LARGE1: variants seen among roughly 807,000 people sequenced by gnomAD.
The protein encoded by LARGE1 is xylosyl- and glucuronyltransferase LARGE1.
LARGE1 carries 43 observed loss-of-function variants against 87.6 expected under a neutral mutation model. That is an observed-to-expected ratio of 0.49 (90% CI 0.38 to 0.63). The LOEUF (loss-of-function observed/expected upper bound fraction) is 0.63, where lower values mean the gene tolerates loss of function less well. LARGE1 is among the 30% of genes least tolerant of loss of function. The pLI is 0.00. For missense variants in LARGE1, 802 were observed against 1,000.2 expected (o/e 0.80, Z 2.67); for synonymous variants, 434 against 394.6 (o/e 1.10, Z -1.18).
At chr22:33,784,375 C>G (rs1340362454) in intron 1 of LARGE1, among the ~76,000 whole-genome samples, 1 of 152,104 alleles carries the variant, frequency 6.6e-6, no homozygotes, top group Non-Finnish European at 1.5e-5. Context: ...AAGTCACAAG[C>G]CAGTAAATGA....
intron 6 of LARGE1, among the ~76,000 whole-genome samples, chr22:33,438,303 C>T (rs1007613296): frequency 3.3e-5 from 5 of 152,140 alleles, no homozygotes; most frequent in African/African-American, 7.2e-5. Context: ...GCATTCTGCA[C>T]TGCCTGTCTC....
intron 12 of LARGE1, 66 bp from the exon 13 acceptor site, chr22:33,283,414 G>A (rs937796305): frequency 1.3e-6 from 2 of 1,580,002 alleles, no homozygotes; most frequent in African/African-American, 2.7e-5. Flanking sequence ...TTTCCCCCAT[G>A]AGGGCGGGGT....
At chr22:33,222,543 T>G (rs1350345977) in intron 11 of LARGE1, among the ~76,000 whole-genome samples, 1 of 152,192 alleles carries the variant, frequency 6.6e-6, no homozygotes, top group Non-Finnish European at 1.5e-5. Flanking sequence ...TCCTCGATTA[T>G]CCGGGTAAGC....
chr22:33,307,150 T>G (rs1935022336), intron 11 of LARGE1, among the ~76,000 whole-genome samples: 1 of 152,226 alleles, frequency 6.6e-6, no homozygotes, highest in South Asian at 2.1e-4. Flanking sequence ...GATCATGATC[T>G]CATCCATCTC....
chr22:33,438,531 G>A (rs116601524), intron 6 of LARGE1, among the ~76,000 whole-genome samples: 1 of 152,072 alleles, frequency 6.6e-6, no homozygotes, highest in Admixed American at 6.5e-5. Flanking sequence ...TTTTCTGCTG[G>A]GGCCCTGGTG....
chr22:33,344,655 T>A (rs992603934), intron 9 of LARGE1, among the ~76,000 whole-genome samples: 4 of 152,242 alleles, frequency 2.6e-5, no homozygotes, highest in Admixed American at 6.5e-5. Flanking sequence ...ATATATATAT[T>A]TTTATCAGTG....
intron 7 of LARGE1, among the ~76,000 whole-genome samples, chr22:33,394,602 G>A (rs1413316496): frequency 6.6e-6 from 1 of 152,002 alleles, no homozygotes; most frequent in Non-Finnish European, 1.5e-5. Flanking sequence ...TTTTACAGAT[G>A]AAGAAACTAA....
intron 11 of LARGE1, among the ~76,000 whole-genome samples, chr22:33,259,570 A>G (rs1190173262): frequency 6.6e-6 from 1 of 152,210 alleles, no homozygotes; most frequent in Non-Finnish European, 1.5e-5. Flanking sequence ...ATGTCTTGAC[A>G]TTTCTGATAC....
chr22:33,097,166 AAC>A, the LARGE1 span, among the ~76,000 whole-genome samples: 1 of 152,220 alleles, frequency 6.6e-6, no homozygotes, highest in Non-Finnish European at 1.5e-5. Flanking sequence ...CCACGGAGGA[AAC>A]ACAGCACTGG....
At chr22:33,479,630 A>G (rs2069224960) in intron 6 of LARGE1, among the ~76,000 whole-genome samples, 1 of 152,196 alleles carries the variant, frequency 6.6e-6, no homozygotes, top group Non-Finnish European at 1.5e-5. Flanking sequence ...ACTCACCAAC[A>G]AATCAAATTG....
chr22:33,245,692 T>C (rs1239102625), intron 11 of LARGE1, among the ~76,000 whole-genome samples: 1 of 152,238 alleles, frequency 6.6e-6, no homozygotes, highest in African/African-American at 2.4e-5. Context: ...ACAGATCACC[T>C]GAGGTCTGGA....
intron 3 of LARGE1, among the ~76,000 whole-genome samples, chr22:33,635,304 G>A (rs1421661739): frequency 2.6e-5 from 4 of 152,112 alleles, no homozygotes; most frequent in Non-Finnish European, 5.9e-5. Context: ...GATATCAACT[G>A]CATGCTTTTT....
intron 11 of LARGE1, among the ~76,000 whole-genome samples, chr22:33,241,243 G>A (rs1926498349): frequency 6.6e-6 from 1 of 152,040 alleles, no homozygotes; most frequent in South Asian, 2.1e-4. Flanking sequence ...ATCTGGACCT[G>A]AGCACATCCT....
At chr22:33,904,940 G>A (rs1264915972) in intron 1 of LARGE1, among the ~76,000 whole-genome samples, 1 of 147,380 alleles carries the variant, frequency 6.8e-6, no homozygotes, top group Non-Finnish European at 1.5e-5. Flanking sequence ...TAAATTTTAT[G>A]GAAAAAAATA....
chr22:33,156,429 T>C, the LARGE1 span, among the ~76,000 whole-genome samples: 7 of 152,190 alleles, frequency 4.6e-5, no homozygotes, highest in Admixed American at 3.3e-4. Flanking sequence ...ATGTGAGACA[T>C]GGAGTCAAAG....
the LARGE1 span, chr22:33,137,459 A>G: frequency 1.3e-5 from 2 of 152,268 alleles, no homozygotes; most frequent in Non-Finnish European, 2.9e-5. Context: ...AGAGTTCAGA[A>G]AATTTGCACC....
At chr22:33,183,428 A>AAAAATTAAAAATAGAAATT (rs1923279239) in intron 11 of LARGE1, among the ~76,000 whole-genome samples, 1 of 152,152 alleles carries the variant, frequency 6.6e-6, no homozygotes, top group South Asian at 2.1e-4. Flanking sequence ...AAATTCTTCA[A>AAAAATTAAAAATAGAAATT]AAAAATTAAA....
intron 11 of LARGE1, among the ~76,000 whole-genome samples, chr22:33,228,962 T>C (rs533460967): frequency 1.3e-5 from 2 of 152,228 alleles, no homozygotes; most frequent in East Asian, 1.9e-4. Context: ...ATTCCATCTA[T>C]GAAAAGGAGA....
intron 10 of LARGE1, among the ~76,000 whole-genome samples, chr22:33,326,794 A>C (rs961419955): frequency 3.3e-5 from 5 of 152,198 alleles, no homozygotes; most frequent in African/African-American, 7.2e-5. Context: ...CAGTGCCTAG[A>C]GGGGTCAAAC....
Sources: gnomAD v4.1 joint callset for allele counts (sites outside exome capture counted in the v4.1 genomes callset) on GRCh38, gnomAD v4.1.1 for gene constraint, MANE v1.5 for transcripts, NCBI Gene and HGNC (gene_info 2026-07-23, HGNC 2026-07-21) for gene names.